Variants in EYA1 observed in about 807,000 individuals in gnomAD.
EYA1 encodes protein phosphatase EYA1.
Under a neutral mutation model 82.0 loss-of-function variants are expected in EYA1, and 16 were observed. The observed-to-expected ratio is 0.20, with a 90% CI of 0.13 to 0.30. The LOEUF (loss-of-function observed/expected upper bound fraction) is 0.30. Among genes scored for constraint, EYA1 ranks in the 10% least tolerant of loss-of-function variants. The pLI, the probability that EYA1 is intolerant of heterozygous loss-of-function variation, is 1.00. For missense variants in EYA1, 633 were observed against 730.7 expected (o/e 0.87, Z 1.54); for synonymous variants, 261 against 264.4 (o/e 0.99, Z 0.12).
At chr8:71,249,019 A>G (rs1316975754) in intron 11 of EYA1, among the ~76,000 whole-genome samples, 1 of 152,066 alleles carries the variant, frequency 6.6e-6, no homozygotes, top group Admixed American at 6.5e-5. Context: ...GACTTCTTTT[A>G]AAACACCATT....
intron 6 of EYA1, 82 bp from the exon 7 acceptor site, chr8:71,317,771 T>C (rs1822089757): frequency 7.6e-7 from 1 of 1,311,134 alleles, no homozygotes; most frequent in Admixed American, 1.7e-5. Flanking sequence ...TCCACAACCG[T>C]TTAACTACAA....
At chr8:71,271,437 T>C (rs1336852139) in intron 10 of EYA1, among the ~76,000 whole-genome samples, 1 of 152,198 alleles carries the variant, frequency 6.6e-6, no homozygotes, top group Non-Finnish European at 1.5e-5. Flanking sequence ...ATTTTTAGTA[T>C]GACACTTAAT....
chr8:71,499,903 A>G (rs915619522), intron 2 of EYA1, among the ~76,000 whole-genome samples: 2 of 152,182 alleles, frequency 1.3e-5, no homozygotes, highest in African/African-American at 4.8e-5. Context: ...TAATGTTGGC[A>G]ATTATTTTAT....
chr8:71,500,043 AAC>A (rs1387969770), intron 2 of EYA1, among the ~76,000 whole-genome samples: 8 of 152,206 alleles, frequency 5.3e-5, no homozygotes, highest in Admixed American at 5.2e-4. Context: ...AAGGAACCGA[AAC>A]ACACAACGAT....
upstream of EYA1, among the ~76,000 whole-genome samples, chr8:71,366,942 T>A (rs1827791396): frequency 6.6e-6 from 1 of 152,156 alleles, no homozygotes; most frequent in African/African-American, 2.4e-5. Context: ...TATAGCAAAA[T>A]AATATATTCA....
chr8:71,367,245 T>C (rs1827811798), intron 2 of EYA1, among the ~76,000 whole-genome samples: 2 of 152,180 alleles, frequency 1.3e-5, no homozygotes, highest in South Asian at 4.1e-4. Flanking sequence ...TTCATAGTTA[T>C]ATCAATTTCT....
chr8:71,287,009 C>T (rs1043625856), intron 9 of EYA1, among the ~76,000 whole-genome samples: 2 of 151,898 alleles, frequency 1.3e-5, no homozygotes, highest in African/African-American at 4.8e-5. Context: ...ATCATCTTGG[C>T]CAGGCTGGTC....
At chr8:71,199,949 A>T (rs1224007211) in intron 17 of EYA1, 1 of 152,420 alleles carries the variant, frequency 6.6e-6, no homozygotes, top group African/African-American at 2.5e-5. Flanking sequence ...TTTTAAATGA[A>T]CATCTAACGT....
At chr8:71,283,625 C>T (rs920491246) in intron 9 of EYA1, among the ~76,000 whole-genome samples, 2 of 152,120 alleles carry the variant, frequency 1.3e-5, no homozygotes, top group African/African-American at 2.4e-5. Flanking sequence ...TCTGTTTAGC[C>T]TCTCTCTTGA....
intron 17 of EYA1, among the ~76,000 whole-genome samples, chr8:71,205,767 A>T (rs1168984125): frequency 6.6e-6 from 1 of 152,194 alleles, no homozygotes; most frequent in Non-Finnish European, 1.5e-5. Flanking sequence ...TCTGTGATTT[A>T]AAAAAAGTAA....
chr8:71,268,351 A>G (rs1371652592), intron 11 of EYA1, among the ~76,000 whole-genome samples: 1 of 152,122 alleles, frequency 6.6e-6, no homozygotes, highest in Non-Finnish European at 1.5e-5. Context: ...AGTTAAGGAG[A>G]TCTTCAAGGT....
intron 12 of EYA1, among the ~76,000 whole-genome samples, chr8:71,224,242 T>C (rs1174988917): frequency 6.6e-6 from 1 of 152,238 alleles, no homozygotes; most frequent in Non-Finnish European, 1.5e-5. Flanking sequence ...ATCAAGGCTA[T>C]AGTATGCTCC....
At position 71,380,609 on chromosome 8, in the gene EYA1, C is replaced by T. The variant is rs575298796; in HGVS notation, c.34-24098G>A. Among the ~76,000 whole-genome samples the T allele has an allele frequency of 2.6e-5, 4 of 152,278 alleles. No individual in the cohort carries two copies. The East Asian group carries it at 5.8e-4, about 22-fold the overall frequency. Reference sequence around the variant, plus strand: ...GTGCTGCTCCCTGGCCTGGAATGTCCAGCCCCTACTGTCTTTCAAAGTTTA... The same window carrying T: ...GTGCTGCTCCCTGGCCTGGAATGTCTAGCCCCTACTGTCTTTCAAAGTTTA... On this transcript the variant is annotated intron_variant, in intron 2 of 18. Transcript: ENST00000643681.
intron 11 of EYA1, among the ~76,000 whole-genome samples, chr8:71,262,804 G>GT (rs1451736582): frequency 6.6e-5 from 10 of 152,182 alleles, no homozygotes; most frequent in Non-Finnish European, 8.8e-5. Flanking sequence ...AAGCATGCCT[G>GT]TTTGGCTGGC....
intron 12 of EYA1, among the ~76,000 whole-genome samples, chr8:71,234,569 A>C (rs2128887530): frequency 6.6e-6 from 1 of 152,168 alleles, no homozygotes; most frequent in East Asian, 1.9e-4. Flanking sequence ...TTGAAACACT[A>C]TTCTCCAGGT....
intron 17 of EYA1, among the ~76,000 whole-genome samples, chr8:71,208,504 C>A (rs910896209): frequency 6.6e-6 from 1 of 152,108 alleles, no homozygotes; most frequent in Non-Finnish European, 1.5e-5. Flanking sequence ...TAACTAAAAC[C>A]TTTTATTACA....
At chr8:71,383,810 T>C (rs1159123819) in intron 2 of EYA1, among the ~76,000 whole-genome samples, 1 of 152,064 alleles carries the variant, frequency 6.6e-6, no homozygotes, top group African/African-American at 2.4e-5. Context: ...TATTTAATGT[T>C]TTGTTCCTTG....
chr8:71,317,979 T>G (rs1822118617), intron 6 of EYA1, among the ~76,000 whole-genome samples: 1 of 152,210 alleles, frequency 6.6e-6, no homozygotes, highest in South Asian at 2.1e-4. Context: ...ATACTTAATT[T>G]TGTTGTTTTA....
intron 7 of EYA1, among the ~76,000 whole-genome samples, chr8:71,313,676 T>C (rs932052487): frequency 2.0e-5 from 3 of 152,312 alleles, no homozygotes; most frequent in South Asian, 2.1e-4. Flanking sequence ...AGTCATTGCA[T>C]GCTGAAGGCC....
Sources: gnomAD v4.1 joint callset for allele counts (sites outside exome capture counted in the v4.1 genomes callset) on GRCh38, gnomAD v4.1.1 for gene constraint, MANE v1.5 for transcripts, NCBI Gene and HGNC (gene_info 2026-07-23, HGNC 2026-07-21) for gene names.